Variants in KCND3 observed in about 807,000 individuals in gnomAD.
KCND3 encodes A-type voltage-gated potassium channel KCND3.
Under a neutral mutation model 51.1 loss-of-function variants are expected in KCND3, and 9 were observed. The ratio of observed to expected loss-of-function variants is 0.18; its 90% CI spans 0.11 to 0.31. The LOEUF (loss-of-function observed/expected upper bound fraction) is 0.31. KCND3 is among the 10% of genes least tolerant of loss of function. The probability of loss-of-function intolerance (pLI) is 1.00; values close to 1 mark genes in which losing one functional copy is unlikely to be tolerated. For synonymous variants in KCND3, 349 were observed against 368.0 expected, an observed-to-expected ratio of 0.95 and a Z score of 0.59; for missense variants, 526 against 903.8, an observed-to-expected ratio of 0.58 and a Z score of 5.36.
At chr1:111,901,264 A>T (rs577173) in intron 2 of KCND3, among the ~76,000 whole-genome samples, 93,694 of 152,006 alleles carry the variant, frequency 0.62, 29,112 homozygotes, top group Admixed American at 0.73. Flanking sequence ...ATTCCATTTA[A>T]TTTAACAAGT....
chr1:111,803,681 C>T (rs1340158696), intron 2 of KCND3, among the ~76,000 whole-genome samples: 2 of 152,100 alleles, frequency 1.3e-5, no homozygotes, highest in Non-Finnish European at 2.9e-5. Flanking sequence ...CTTTAAAATA[C>T]TCTGGGAAAA....
chr1:111,807,449 G>A (rs928555396), intron 2 of KCND3, among the ~76,000 whole-genome samples: 8 of 152,304 alleles, frequency 5.3e-5, no homozygotes, highest in East Asian at 1.9e-4. Flanking sequence ...AGGCCAAGGC[G>A]GGTGGATCAT....
chr1:111,822,833 G>A (rs557772539), intron 2 of KCND3, among the ~76,000 whole-genome samples: 1 of 152,312 alleles, frequency 6.6e-6, no homozygotes, highest in African/African-American at 2.4e-5. Context: ...ACAGGAAATG[G>A]AGAAGGCAAA....
chr1:111,979,796 G>A (rs1408732519), intron 2 of KCND3, among the ~76,000 whole-genome samples: 1 of 152,188 alleles, frequency 6.6e-6, no homozygotes, highest in Non-Finnish European at 1.5e-5. Flanking sequence ...CTGACATATA[G>A]TAGACAATCA....
At chr1:111,788,552 T>C (rs1334445391) in intron 2 of KCND3, among the ~76,000 whole-genome samples, 1 of 152,218 alleles carries the variant, frequency 6.6e-6, no homozygotes, top group Non-Finnish European at 1.5e-5. Context: ...TGAAGTAGGC[T>C]CCTGTTTTGA....
chr1:111,851,784 C>A (rs1395595612), intron 2 of KCND3, among the ~76,000 whole-genome samples: 3 of 152,222 alleles, frequency 2.0e-5, no homozygotes, highest in African/African-American at 7.2e-5. Flanking sequence ...GAATCACCAC[C>A]ATGAGGCGGC....
At chr1:111,869,872 C>G (rs1327210216) in intron 2 of KCND3, among the ~76,000 whole-genome samples, 1 of 151,410 alleles carries the variant, frequency 6.6e-6, no homozygotes, top group African/African-American at 2.4e-5. Context: ...AGTCCGTACT[C>G]TGTGTGTGTG....
intron 2 of KCND3, among the ~76,000 whole-genome samples, chr1:111,884,836 G>C (rs545166621): frequency 1.3e-5 from 2 of 152,320 alleles, no homozygotes; most frequent in Admixed American, 6.5e-5. Flanking sequence ...TTTTTGGTAA[G>C]GTTCTAAAGC....
intron 2 of KCND3, among the ~76,000 whole-genome samples, chr1:111,943,704 T>C (rs186943907): frequency 1.0e-3 from 156 of 152,284 alleles, no homozygotes; most frequent in African/African-American, 3.5e-3. Context: ...CAGGAGGCCA[T>C]CCAGATGTGT....
At chr1:111,844,990 T>G (rs1667483234) in intron 2 of KCND3, among the ~76,000 whole-genome samples, 1 of 152,228 alleles carries the variant, frequency 6.6e-6, no homozygotes, top group Non-Finnish European at 1.5e-5. Flanking sequence ...ATACTGCTGT[T>G]ATTGTTCCCC....
At chr1:111,776,326 C>T (rs776276385) in intron 7 of KCND3, 48 bp from the exon 8 acceptor site, 58 of 1,563,472 alleles carry the variant, frequency 3.7e-5, no homozygotes, top group Non-Finnish European at 4.5e-5. Flanking sequence ...TGGCCAGCGT[C>T]CCAAAGCTTC....
At chr1:111,925,584 G>A (rs757746289) in intron 2 of KCND3, among the ~76,000 whole-genome samples, 7 of 152,108 alleles carry the variant, frequency 4.6e-5, no homozygotes, top group African/African-American at 1.7e-4. Flanking sequence ...TCTGGGGCTC[G>A]GTTTCTTCAT....
At position 111,772,752 on chromosome 1, in the gene KCND3, G is replaced by T. The variant is rs1663972866; in HGVS notation, c.*3325C>A. On this transcript the variant is annotated 3_prime_UTR_variant, in exon 8 of 8. Transcript: ENST00000302127. ...TTTGACATTTGAATGTAACTGTTAG[G>T]TTGGTTGGTTGGTTTGTTTTTCCCT... 1 of 152,122 alleles carries T rather than the reference G, an allele frequency of 6.6e-6. No individual in the cohort carries two copies. Among genetic ancestry groups the T allele is most frequent in the Admixed American group, 6.6e-5 (1 of 15,262 alleles). The allele number at this position is 152,122 out of a possible 1,614,324, so 9.4% of individuals were successfully genotyped here. A position where few individuals can be genotyped will look rare whatever the true frequency, so the allele number is the denominator to read the frequency against.
intron 2 of KCND3, among the ~76,000 whole-genome samples, chr1:111,911,594 G>A (rs1431820260): frequency 1.3e-5 from 2 of 152,200 alleles, no homozygotes; most frequent in African/African-American, 4.8e-5. Context: ...AGTGAAGACT[G>A]TTGACCAGGG....
intron 2 of KCND3, among the ~76,000 whole-genome samples, chr1:111,815,962 G>T (rs565651221): frequency 5.9e-5 from 9 of 152,200 alleles, no homozygotes; most frequent in African/African-American, 2.2e-4. Flanking sequence ...CTAGGACCCC[G>T]GGGAGGAAAT....
At chr1:111,898,367 C>T (rs1479475138) in intron 2 of KCND3, among the ~76,000 whole-genome samples, 3 of 152,184 alleles carry the variant, frequency 2.0e-5, no homozygotes, top group Non-Finnish European at 2.9e-5. Flanking sequence ...CCCCGTGGCT[C>T]AGCACCTGTA....
intron 2 of KCND3, among the ~76,000 whole-genome samples, chr1:111,817,416 G>C (rs1666148152): frequency 6.6e-6 from 1 of 152,192 alleles, no homozygotes; most frequent in African/African-American, 2.4e-5. Context: ...AATTTCACCT[G>C]AGTGTCACTC....
At chr1:111,920,621 A>C (rs897505355) in intron 2 of KCND3, among the ~76,000 whole-genome samples, 1 of 152,176 alleles carries the variant, frequency 6.6e-6, no homozygotes, top group Non-Finnish European at 1.5e-5. Flanking sequence ...GGTCCAGCCC[A>C]GGGCTGGTGC....
chr1:111,943,765 CCTT>C (rs986820329), intron 2 of KCND3, among the ~76,000 whole-genome samples: 1 of 152,194 alleles, frequency 6.6e-6, no homozygotes, highest in African/African-American at 2.4e-5. Context: ...TTCTCACAGT[CCTT>C]CTGCCCCATG....
Sources: allele counts gnomAD v4.1 joint callset (sites outside exome capture counted in the v4.1 genomes callset), GRCh38; gene constraint gnomAD v4.1.1; transcripts MANE v1.5; gene names NCBI Gene and HGNC (gene_info 2026-07-23, HGNC 2026-07-21).